NTNG1: variants seen among roughly 807,000 people sequenced by gnomAD.
NTNG1 encodes the protein netrin G1.
A neutral mutation model predicts 54.0 loss-of-function variants in NTNG1; 16 were observed. The ratio of observed to expected loss-of-function variants is 0.30; its 90% CI spans 0.20 to 0.45. NTNG1 has a LOEUF of 0.45. NTNG1 is among the 20% of genes least tolerant of loss of function. NTNG1 has a pLI of 1.00. For missense variants in NTNG1, 530 were observed against 678.7 expected, an observed-to-expected ratio of 0.78 and a Z score of 2.43; for synonymous variants, 255 against 263.1, an observed-to-expected ratio of 0.97 and a Z score of 0.30.
At chr1:107,287,288 GTATT>G (rs1184278963) in intron 2 of NTNG1, among the ~76,000 whole-genome samples, 1 of 152,130 alleles carries the variant, frequency 6.6e-6, no homozygotes, top group African/African-American at 2.4e-5. Context: ...TGATAAAACA[GTATT>G]TAAATAATTG....
chr1:107,385,667 A>C (rs994600235), intron 3 of NTNG1, among the ~76,000 whole-genome samples: 49 of 152,068 alleles, frequency 3.2e-4, no homozygotes, highest in Middle Eastern at 3.4e-3. Flanking sequence ...TGCTCCTAAC[A>C]ACCCCTTTTG....
intron 3 of NTNG1, among the ~76,000 whole-genome samples, chr1:107,326,586 A>G (rs1156254216): frequency 1.3e-5 from 2 of 152,176 alleles, no homozygotes; most frequent in Non-Finnish European, 2.9e-5. Flanking sequence ...ATTCATCTAC[A>G]TGAATAATGG....
rs1351860932 is a variant in NTNG1 at position 107,480,625 on chromosome 1, A to G, written c.1405A>G (p.Asn469Asp). 1 of 1,304,980 alleles carries G rather than the reference A, an allele frequency of 7.7e-7. No homozygotes were observed. The highest frequency in any genetic ancestry group is 2.1e-5 in the Admixed American group (1 of 48,166). 80.8% of individuals were successfully genotyped at this position (1,304,980 alleles called of 1,614,324 possible). The change falls in exon 8 of 8, where the codon AAC becomes GAC. Residue 469 changes from asparagine (N) to aspartate (D), a missense_variant. Around this residue, in one of 2 missense-constraint regions of NTNG1, gnomAD observed 212 missense variants for 213.6 expected, o/e 0.99. Transcript: ENST00000370068. ...TCATTCTGCAGCGAATGTCTGCGAC[A>G]ACGAGCTCCTGCACTGCCAGAACGG... ...HYGCQPNVCDNELLHCQNGGT... is the reference protein window; with the variant it reads ...HYGCQPNVCDDELLHCQNGGT...
At chr1:107,213,727 C>A (rs1293513640) in intron 2 of NTNG1, among the ~76,000 whole-genome samples, 5 of 152,024 alleles carry the variant, frequency 3.3e-5, no homozygotes, top group African/African-American at 1.2e-4. Flanking sequence ...AATCATTATT[C>A]TTTGAAGAAG....
At chr1:107,478,846 C>T (rs192404434) in intron 7 of NTNG1, among the ~76,000 whole-genome samples, 1 of 152,308 alleles carries the variant, frequency 6.6e-6, no homozygotes, top group Admixed American at 6.5e-5. Context: ...AGCCAAAAAA[C>T]AAGAGCTTTT....
At chr1:107,307,656 G>C (rs536984824) in intron 2 of NTNG1, among the ~76,000 whole-genome samples, 1 of 152,196 alleles carries the variant, frequency 6.6e-6, no homozygotes, top group Non-Finnish European at 1.5e-5. Flanking sequence ...ATTTGTTCCA[G>C]TTGTCCAGAC....
At chr1:107,419,186 C>T (rs78341815) in intron 5 of NTNG1, among the ~76,000 whole-genome samples, 3,049 of 151,706 alleles carry the variant, frequency 0.02, 45 homozygotes, top group Non-Finnish European at 0.032. Context: ...CTCTCTCACA[C>T]ACCCTTTCTC....
intron 3 of NTNG1, among the ~76,000 whole-genome samples, chr1:107,347,704 A>G (rs2101947255): frequency 6.6e-6 from 1 of 152,274 alleles, no homozygotes; most frequent in African/African-American, 2.4e-5. Flanking sequence ...TATAAAGGAA[A>G]GAGATTTAAT....
rs1664028194 is a variant in NTNG1, at chr1:107,269,878, A to G, written c.247-54404A>G. Among the ~76,000 whole-genome samples the G allele has an allele frequency of 2.6e-5, 4 of 152,250 alleles. No individual in the cohort carries two copies. In the South Asian group the frequency reaches 8.3e-4, roughly 32 times the overall value. On this transcript the variant is annotated intron_variant, in intron 2 of 7. Coordinates refer to ENST00000370068, the MANE Select transcript of NTNG1 (RefSeq NM_001113226.3). ...AAACTTAAATGAACACATAGACATC[A>G]GCAGCTTTAAACAGTTCTGTACGGA...
chr1:107,457,751 T>C (rs1426357291), intron 7 of NTNG1, among the ~76,000 whole-genome samples: 2 of 152,184 alleles, frequency 1.3e-5, no homozygotes, highest in African/African-American at 4.8e-5. Context: ...AGTAGACTTA[T>C]GAGTTTGTAG....
At chr1:107,342,893 A>G (rs1485859963) in intron 3 of NTNG1, among the ~76,000 whole-genome samples, 1 of 152,118 alleles carries the variant, frequency 6.6e-6, no homozygotes, top group Non-Finnish European at 1.5e-5. Context: ...ATCTTTGCTA[A>G]CATGGATAAG....
At chr1:107,400,904 C>A (rs1214411385) in intron 4 of NTNG1, among the ~76,000 whole-genome samples, 1 of 152,224 alleles carries the variant, frequency 6.6e-6, no homozygotes, top group African/African-American at 2.4e-5. Context: ...CCTGCCTCAG[C>A]TTCCCAAAGT....
intron 5 of NTNG1, 24 bp from the exon 6 acceptor site, chr1:107,430,726 T>C (rs1327729109): frequency 8.7e-6 from 14 of 1,612,264 alleles, no homozygotes; most frequent in Non-Finnish European, 1.2e-5. Context: ...ACACTCTGTA[T>C]ACATTTCTGT....
chr1:107,308,013 T>G (rs1557886928), intron 2 of NTNG1, among the ~76,000 whole-genome samples: 1 of 144,394 alleles, frequency 6.9e-6, no homozygotes, highest in Non-Finnish European at 1.5e-5. Context: ...TTTAATAGTG[T>G]TTTTTTTTTT....
chr1:107,206,537 C>T (rs145104839), intron 2 of NTNG1, among the ~76,000 whole-genome samples: 1 of 152,190 alleles, frequency 6.6e-6, no homozygotes, highest in African/African-American at 2.4e-5. Context: ...CAAAATCTGC[C>T]ATGATGTTCT....
chr1:107,291,975 C>A (rs1216171757), intron 2 of NTNG1, among the ~76,000 whole-genome samples: 1 of 145,820 alleles, frequency 6.9e-6, no homozygotes, highest in African/African-American at 2.5e-5. Flanking sequence ...AGACTTGTAA[C>A]CAGAAGATTT....
At chr1:107,253,676 T>C (rs1662756275) in intron 2 of NTNG1, among the ~76,000 whole-genome samples, 1 of 152,252 alleles carries the variant, frequency 6.6e-6, no homozygotes, top group Non-Finnish European at 1.5e-5. Context: ...TTCGCTGATA[T>C]TTAGCAGTGT....
chr1:107,407,246 A>G (rs1052089902), intron 4 of NTNG1, among the ~76,000 whole-genome samples: 5 of 152,154 alleles, frequency 3.3e-5, no homozygotes, highest in African/African-American at 1.2e-4. Context: ...TAAAAGGTCT[A>G]TTGCATATGT....
intron 3 of NTNG1, among the ~76,000 whole-genome samples, chr1:107,391,809 A>G (rs1160955366): frequency 6.6e-6 from 1 of 152,102 alleles, no homozygotes; most frequent in East Asian, 1.9e-4. Flanking sequence ...TTCATGAGAG[A>G]TCTGCCCTCA....
Sources: gnomAD v4.1 joint callset for allele counts (sites outside exome capture counted in the v4.1 genomes callset) on GRCh38, gnomAD v4.1.1 for gene constraint, gnomAD v4.1.1 regional missense constraint, MANE v1.5 for transcripts, NCBI Gene and HGNC (gene_info 2026-07-23, HGNC 2026-07-21) for gene names.